Variants in RCBTB2 observed in about 807,000 individuals in gnomAD.
The protein encoded by RCBTB2 is RCC1 and BTB domain-containing protein 2.
Under a neutral mutation model 65.4 loss-of-function variants are expected in RCBTB2, and 55 were observed. That is an observed-to-expected ratio of 0.84 (90% confidence interval 0.68 to 1.05). The LOEUF (loss-of-function observed/expected upper bound fraction) is 1.05, where lower values mean the gene tolerates loss of function less well. RCBTB2 is among the 50% of genes least tolerant of loss of function. The pLI is 0.00. For synonymous variants in RCBTB2, 220 were observed against 255.2 expected, an observed-to-expected ratio of 0.86 and a Z score of 1.31; for missense variants, 599 against 680.1, an observed-to-expected ratio of 0.88 and a Z score of 1.33.
chr13:48,532,748 GAATT>G, intron 1 of RCBTB2: 1 of 302,772 alleles, frequency 3.3e-6, no homozygotes, highest in Non-Finnish European at 6.5e-6. Flanking sequence ...CACGCCAGCG[GAATT>G]GCGCATGCGC....
intron 1 of RCBTB2, among the ~76,000 whole-genome samples, chr13:48,529,048 T>C (rs868211228): frequency 1.3e-5 from 2 of 152,132 alleles, no homozygotes; most frequent in African/African-American, 4.8e-5. Context: ...AAAGCGGTAT[T>C]TAATTGAAAA....
intron 1 of RCBTB2, among the ~76,000 whole-genome samples, chr13:48,529,174 C>A (rs1038465049): frequency 6.6e-6 from 1 of 152,058 alleles, no homozygotes; most frequent in East Asian, 1.9e-4. Context: ...GTTATATGCA[C>A]TAATGTGAGT....
chr13:48,518,650 T>A (rs1951240717), intron 4 of RCBTB2, among the ~76,000 whole-genome samples: 1 of 151,532 alleles, frequency 6.6e-6, no homozygotes, highest in Non-Finnish European at 1.5e-5. Context: ...TATATAATTT[T>A]AGGAACACAG....
At chr13:48,530,395 CTATG>C (rs1289207469) in intron 1 of RCBTB2, among the ~76,000 whole-genome samples, 1 of 152,154 alleles carries the variant, frequency 6.6e-6, no homozygotes, top group Non-Finnish European at 1.5e-5. Context: ...TATTTGTAAT[CTATG>C]TAAGTAAAGG....
chr13:48,525,373 G>GATAT (rs59350616), intron 1 of RCBTB2, among the ~76,000 whole-genome samples: 111 of 54,504 alleles, frequency 2.0e-3, no homozygotes, highest in Non-Finnish European at 3.0e-3. Context: ...AAGGATTCAT[G>GATAT]ATATATATAT....
At chr13:48,508,435 G>C (rs373082263) in intron 10 of RCBTB2, among the ~76,000 whole-genome samples, 1 of 147,530 alleles carries the variant, frequency 6.8e-6, no homozygotes, top group East Asian at 1.9e-4. Flanking sequence ...TTGAGACAGA[G>C]TCTCACTCTA....
At chr13:48,505,597 C>T (rs1370239548) in intron 10 of RCBTB2, among the ~76,000 whole-genome samples, 2 of 152,282 alleles carry the variant, frequency 1.3e-5, no homozygotes, top group Admixed American at 6.5e-5. Flanking sequence ...CTGTTAGTAT[C>T]GATTTTACTG....
intron 14 of RCBTB2, among the ~76,000 whole-genome samples, chr13:48,493,316 C>CT (rs1566254782): frequency 0.026 from 642 of 24,618 alleles, 12 homozygotes; most frequent in African/African-American, 0.089. Flanking sequence ...CACACACACA[C>CT]TCTCTCTCTC....
Position 48,511,539 on chromosome 13 carries a change from A to G in RCBTB2, c.783+231T>C, listed in dbSNP as rs368856589. 1.2e-4 allele frequency among the ~76,000 whole-genome samples: 18 copies of G among 152,340 alleles called. No individual in the cohort carries two copies. The East Asian group carries it at 1.7e-3, about 15-fold the overall frequency. On this transcript the variant is annotated intron_variant, in intron 9 of 14. Transcript: ENST00000344532. ...ATAAAAGCTTTTAAGCTTCCTCAGG[A>G]AAGCTTGTAACAATTTATATTCCAA...
At chr13:48,503,357 A>T (rs1000575112) in intron 10 of RCBTB2, among the ~76,000 whole-genome samples, 6 of 152,224 alleles carry the variant, frequency 3.9e-5, no homozygotes, top group Non-Finnish European at 8.8e-5. Flanking sequence ...AAATATTTTA[A>T]TGAAGACTTC....
At chr13:48,533,583 C>A (rs1335632792), upstream of RCBTB2, among the ~76,000 whole-genome samples, 2 of 152,294 alleles carry the variant, frequency 1.3e-5, no homozygotes, top group Admixed American at 6.5e-5. Context: ...CCCTGTAGTA[C>A]AAATGCTGAA....
intron 4 of RCBTB2, among the ~76,000 whole-genome samples, chr13:48,520,462 C>T (rs555130508): frequency 1.3e-5 from 2 of 152,340 alleles, no homozygotes; most frequent in Admixed American, 6.5e-5. Context: ...GGTAACCTTC[C>T]TTACTGCAAA....
chr13:48,500,290 T>A (rs972510152), intron 12 of RCBTB2, among the ~76,000 whole-genome samples: 1 of 152,168 alleles, frequency 6.6e-6, no homozygotes, highest in Non-Finnish European at 1.5e-5. Flanking sequence ...CAGGGCGCGG[T>A]GGCTCACGCC....
upstream of RCBTB2, among the ~76,000 whole-genome samples, chr13:48,534,508 G>C (rs755578550): frequency 1.3e-5 from 2 of 152,128 alleles, no homozygotes; most frequent in African/African-American, 2.4e-5. Flanking sequence ...GGTCTTTTAC[G>C]CATTATGGAC....
In RCBTB2 at chr13:48,489,958, G is replaced by A. The variant is rs921577467; in HGVS notation, c.*153C>T. 2 of 822,276 alleles carry A rather than the reference G, an allele frequency of 2.4e-6. No individual in the cohort carries two copies. The highest frequency in any genetic ancestry group is 5.2e-5 in the East Asian group (2 of 38,468). The allele number at this position is 822,276 out of a possible 1,614,324, so 50.9% of individuals were successfully genotyped here. ...TCTACATAAACTCTGGGTTTAGGCA[G>A]ACAAAGACCACTCACCACCATCCTT... is the stretch of plus-strand genomic sequence containing the variant. On this transcript the variant is annotated 3_prime_UTR_variant, in exon 15 of 15. Transcript: ENST00000344532.
chr13:48,494,309 A>G (rs890529727), intron 14 of RCBTB2, among the ~76,000 whole-genome samples: 3 of 152,230 alleles, frequency 2.0e-5, no homozygotes, highest in African/African-American at 7.2e-5. Flanking sequence ...CAAATACAGC[A>G]CTGTTCTTTA....
chr13:48,489,406 T>C lies in RCBTB2; in HGVS notation c.*705A>G, dbSNP rs906037190. Reference sequence around the variant, plus strand: ...AATTTCATTCAAAGATAATACTTCATACTCCATAATCCCATGTGAGAAATT... The same window carrying C: ...AATTTCATTCAAAGATAATACTTCACACTCCATAATCCCATGTGAGAAATT... On this transcript the variant is annotated 3_prime_UTR_variant, in exon 15 of 15. Coordinates refer to ENST00000344532, the MANE Select transcript of RCBTB2 (RefSeq NM_001268.4). 6 of 152,246 alleles carry C rather than the reference T, an allele frequency of 3.9e-5. No individual in the cohort carries two copies. Among genetic ancestry groups the C allele is most frequent in the African/African-American group, 1.4e-4 (6 of 41,464 alleles). 9.4% of individuals were successfully genotyped at this position (152,246 alleles called of 1,614,324 possible).
At chr13:48,535,042 C>T (rs1002250056), upstream of RCBTB2, among the ~76,000 whole-genome samples, 2 of 152,214 alleles carry the variant, frequency 1.3e-5, no homozygotes, top group Non-Finnish European at 2.9e-5. Context: ...GTAGTTGTCA[C>T]CTCTCAATCC....
chr13:48,495,147 G>C (rs950999067), intron 14 of RCBTB2, among the ~76,000 whole-genome samples: 1 of 152,036 alleles, frequency 6.6e-6, no homozygotes, highest in Non-Finnish European at 1.5e-5. Flanking sequence ...AAACTGACTC[G>C]AAGATGTTAC....
Sources: allele counts gnomAD v4.1 joint callset (sites outside exome capture counted in the v4.1 genomes callset), GRCh38; gene constraint gnomAD v4.1.1; transcripts MANE v1.5; gene names NCBI Gene and HGNC (gene_info 2026-07-23, HGNC 2026-07-21).